The following PARS2 variants were observed in gnomAD, a reference collection of about 807,000 sequenced individuals.
The protein encoded by PARS2 is probable proline--tRNA ligase, mitochondrial.
Under a neutral mutation model 27.4 loss-of-function variants are expected in PARS2, and 20 were observed. The observed-to-expected ratio is 0.73, with a 90% CI of 0.51 to 1.06. PARS2 has a LOEUF of 1.06. Ranked by LOEUF, PARS2 falls within the 50% of genes least tolerant of loss-of-function variation. PARS2 has a pLI of 0.00. For missense variants in PARS2, 585 were observed against 602.1 expected (o/e 0.97, Z 0.30); for synonymous variants, 240 against 247.1 (o/e 0.97, Z 0.27).
At position 54,758,630 on chromosome 1, in the gene PARS2, G is replaced by A; in HGVS notation, c.532C>T (p.Pro178Ser). ...CTTGTCACTTGGTACAGCAGGAAGG[G>A]AAGCTGCTTGTAGGACAGTTTCTTC... ...SQKKLSYKQL[P>S]FLLYQVTRKF... is the part of the protein sequence containing the mutation. Residue 178 changes from proline (P) to serine (S), a missense_variant, in exon 2 of 2, where the codon CCC becomes TCC. By Grantham distance (74) the Pro-to-Ser change is moderately conservative. Coordinates refer to ENST00000371279, the MANE Select transcript of PARS2 (RefSeq NM_152268.4). 1 of 1,614,210 alleles carries A rather than the reference G, an allele frequency of 6.2e-7. No homozygotes were observed. Among genetic ancestry groups the A allele is most frequent in the Non-Finnish European group, 8.5e-7 (1 of 1,180,040 alleles).
intron 1 of PARS2, among the ~76,000 whole-genome samples, chr1:54,762,931 A>G (rs941828056): frequency 1.3e-5 from 2 of 152,186 alleles, no homozygotes; most frequent in Non-Finnish European, 2.9e-5. Flanking sequence ...TCTCCGTATT[A>G]GTCTCCAGCT....
intron 1 of PARS2, among the ~76,000 whole-genome samples, chr1:54,763,587 G>C (rs1011878492): frequency 1.3e-5 from 2 of 152,184 alleles, no homozygotes; most frequent in Non-Finnish European, 2.9e-5. Context: ...TCCACGTTTA[G>C]CATGTCTGTC....
chr1:54,757,714 C>G lies in PARS2; in HGVS notation c.*20G>C. 6.5e-7 allele frequency: 1 copy of G among 1,528,244 alleles called. No individual in the cohort carries two copies. The highest frequency in any genetic ancestry group is 9.0e-7 in the Non-Finnish European group (1 of 1,116,444). 94.7% of individuals were successfully genotyped at this position (1,528,244 alleles called of 1,614,324 possible). A position where few individuals can be genotyped will look rare whatever the true frequency, so the allele number is the denominator to read the frequency against. On this transcript the variant is annotated 3_prime_UTR_variant, in exon 2 of 2. Transcript: ENST00000371279. ...CGAACACCAAGGCTGCAAATGGGGG[C>G]AGGGGTGGGCTGGGGGCATTTAGAC...
At chr1:54,763,979 G>C (rs1014153756) in intron 1 of PARS2, among the ~76,000 whole-genome samples, 2 of 152,288 alleles carry the variant, frequency 1.3e-5, no homozygotes, top group Admixed American at 1.3e-4. Context: ...GCGCAGGGTC[G>C]GGCCTGGAAG....
At chr1:54,763,118 C>G (rs970560816) in intron 1 of PARS2, among the ~76,000 whole-genome samples, 2 of 152,296 alleles carry the variant, frequency 1.3e-5, no homozygotes, top group African/African-American at 4.8e-5. Flanking sequence ...TGACCTCCCC[C>G]CAACCCCCAG....
Position 54,757,636 on chromosome 1 carries a change from G to A in PARS2, c.*98C>T. On this transcript the variant is annotated 3_prime_UTR_variant, in exon 2 of 2. Coordinates refer to ENST00000371279, the MANE Select transcript of PARS2 (RefSeq NM_152268.4). ...GATCTCACCCTCCATGAGCTGTGCT[G>A]TTTCTGGAGAGAGCAGTCCAGGAAA... is the stretch of plus-strand genomic sequence containing the variant. The A allele has an allele frequency of 2.8e-6, 2 of 726,986 alleles. No individual in the cohort carries two copies. Among genetic ancestry groups the A allele is most frequent in the Non-Finnish European group, 2.3e-6 (1 of 439,188 alleles). 45.0% of individuals were successfully genotyped at this position (726,986 alleles called of 1,614,324 possible).
Position 54,757,448 on chromosome 1 carries a change from AG to A in PARS2, c.*285del, listed in dbSNP as rs1310236238. On this transcript the variant is annotated 3_prime_UTR_variant, in exon 2 of 2. Coordinates refer to ENST00000371279, the MANE Select transcript of PARS2 (RefSeq NM_152268.4). The stretch of plus-strand genomic sequence containing the variant: ...CCCTCAGGGTAACACCCAGGACTGG[AG>A]CTTGGATCTCCTGCTTCTCAGCCTC... The A allele has an allele frequency of 3.3e-5, 10 of 299,560 alleles. No individual in the cohort carries two copies. Among genetic ancestry groups the A allele is most frequent in the African/African-American group, 2.2e-4 (10 of 46,126 alleles). The allele number at this position is 299,560 out of a possible 1,614,324, so 18.6% of individuals were successfully genotyped here.
Position 54,758,188 on chromosome 1 carries a change from A to G in PARS2, c.974T>C (p.Phe325Ser). ...GGTTGGTTTGCCACAGACATTGGTAAACTGGGCATTGAAAATGGATGAGTA... is the reference window on the plus strand; with the variant it reads ...GGTTGGTTTGCCACAGACATTGGTAGACTGGGCATTGAAAATGGATGAGTA... Reference protein sequence around the residue: ...TKYSSIFNAQFTNVCGKPTLA... With the variant: ...TKYSSIFNAQSTNVCGKPTLA... The change falls in exon 2 of 2, where the codon TTT (phenylalanine) becomes TCT (serine). Residue 325 changes from phenylalanine to serine, a missense_variant. Physicochemically the swap from Phe to Ser is radical, Grantham distance 155. Transcript: ENST00000371279. The G allele has an allele frequency of 6.2e-7, 1 of 1,614,186 alleles. No individual in the cohort carries two copies.
intron 1 of PARS2, among the ~76,000 whole-genome samples, chr1:54,764,091 C>T (rs1239258244): frequency 1.3e-5 from 2 of 152,230 alleles, no homozygotes; most frequent in Admixed American, 6.5e-5. Context: ...GCTCGGCCTT[C>T]ACTCGCTCGG....
chr1:54,760,566 C>T (rs1010433542), intron 1 of PARS2, among the ~76,000 whole-genome samples: 1 of 152,192 alleles, frequency 6.6e-6, no homozygotes, highest in South Asian at 2.1e-4. Context: ...GACTTCCACT[C>T]CTGCCCTCCT....
rs951167505 is a variant in PARS2 at position 54,757,780 on chromosome 1, G to A, written c.1382C>T (p.Thr461Ile). 2.5e-6 allele frequency: 4 copies of A among 1,613,904 alleles called. No individual in the cohort carries two copies. Among genetic ancestry groups the A allele is most frequent in the Admixed American group, 1.7e-5 (1 of 60,004 alleles). The change falls in exon 2 of 2, where the codon ACC becomes ATC. Residue 461 changes from threonine to isoleucine, a missense_variant. Transcript: ENST00000371279. ...CQNTGEVAFL[T>I]KDGVMDLLTP... Reference sequence around the variant, plus strand: ...CAGTAAATCCATGACTCCATCTTTGGTGAGGAAGGCCACCTCACCAGTGTT... The same window carrying A: ...CAGTAAATCCATGACTCCATCTTTGATGAGGAAGGCCACCTCACCAGTGTT...
Position 54,759,095 on chromosome 1 carries a change from C to A in PARS2, c.67G>T (p.Gly23Trp), listed in dbSNP as rs1646139603. 1 of 1,613,132 alleles carries A rather than the reference C, an allele frequency of 6.2e-7. No homozygotes were observed. Among genetic ancestry groups the A allele is most frequent in the African/African-American group, 1.3e-5 (1 of 74,916 alleles). Residue 23 changes from glycine (G) to tryptophan (W), a missense_variant, in exon 2 of 2, where the codon GGG becomes TGG. By Grantham distance (184) the Gly-to-Trp change is radical. Transcript: ENST00000371279. Reference sequence around the variant, plus strand: ...TGGTGAAACCTGCAAGGAACATACCCAGAGAGCTGGCGGCTGCAGGTGGCC... The same window carrying A: ...TGGTGAAACCTGCAAGGAACATACCAAGAGAGCTGGCGGCTGCAGGTGGCC... ...ALATCSRQLS[G>W]YVPCRFHHCA...
At chr1:54,762,295 T>C (rs1342678483) in intron 1 of PARS2, among the ~76,000 whole-genome samples, 2 of 152,190 alleles carry the variant, frequency 1.3e-5, no homozygotes, top group African/African-American at 4.8e-5. Flanking sequence ...TGTGCCACCA[T>C]GCCCAACTAT....
At chr1:54,762,136 G>GTTTT (rs35646933) in intron 1 of PARS2, among the ~76,000 whole-genome samples, 2 of 128,664 alleles carry the variant, frequency 1.6e-5, no homozygotes, top group African/African-American at 5.7e-5. Context: ...TGGAGGGCTT[G>GTTTT]TTTTTTTTTT....
rs1201487743 is a variant in PARS2, at chr1:54,757,187, G to C, written c.*547C>G. 6.6e-6 allele frequency: 1 copy of C among 152,314 alleles called. No individual in the cohort carries two copies. Among genetic ancestry groups the C allele is most frequent in the South Asian group, 2.1e-4 (1 of 4,832 alleles). The allele number at this position is 152,314 out of a possible 1,614,324, so 9.4% of individuals were successfully genotyped here. On this transcript the variant is annotated 3_prime_UTR_variant, in exon 2 of 2. Coordinates refer to ENST00000371279, the MANE Select transcript of PARS2 (RefSeq NM_152268.4). ...AACTGAGGCCCCAGCAGGGGGAGGG[G>C]ATGTATCTAAGTCACTAGTGAGTTG...
rs1646139898 is a variant in PARS2, at chr1:54,759,122, G to A, written c.40C>T (p.Leu14=). Reference sequence around the variant, plus strand: ...GAGAGCTGGCGGCTGCAGGTGGCCAGGGCGGGCAATGCTCTGCATCTTGTC... The same window carrying A: ...GAGAGCTGGCGGCTGCAGGTGGCCAAGGCGGGCAATGCTCTGCATCTTGTC... The part of the protein sequence containing the change: ...LLTRCRALPA[L]ATCSRQLSGY... The change falls in exon 2 of 2, where the codon CTG becomes TTG. Residue 14 remains leucine (L), a synonymous_variant. Coordinates refer to ENST00000371279, the MANE Select transcript of PARS2 (RefSeq NM_152268.4). 2 of 1,609,778 alleles carry A rather than the reference G, an allele frequency of 1.2e-6. No homozygotes were observed. Among genetic ancestry groups the A allele is most frequent in the Non-Finnish European group, 1.7e-6 (2 of 1,176,830 alleles).
Position 54,757,467 on chromosome 1 carries a change from T to C in PARS2, c.*267A>G. On this transcript the variant is annotated 3_prime_UTR_variant, in exon 2 of 2. Coordinates refer to ENST00000371279, the MANE Select transcript of PARS2 (RefSeq NM_152268.4). ...GACTGGAGCTTGGATCTCCTGCTTC[T>C]CAGCCTCCTAGAAGCTTCCACAATG... 1 of 329,118 alleles carries C rather than the reference T, an allele frequency of 3.0e-6. No homozygotes were observed. The highest frequency in any genetic ancestry group is 5.5e-6 in the Non-Finnish European group (1 of 180,732). The allele number at this position is 329,118 out of a possible 1,614,324, so 20.4% of individuals were successfully genotyped here. A position where few individuals can be genotyped will look rare whatever the true frequency, so the allele number is the denominator to read the frequency against.
rs755173917 is a variant in PARS2 at position 54,758,134 on chromosome 1, C to T, written c.1028G>A (p.Gly343Asp). Residue 343 changes from glycine (G) to aspartate (D), a missense_variant, in exon 2 of 2, where the codon GGT becomes GAT. Coordinates refer to ENST00000371279, the MANE Select transcript of PARS2 (RefSeq NM_152268.4). ...TLAEMGCYGL[G>D]VTRILAAAIE... ...GGCAGCAGCCAAGATCCGTGTCACA[C>T]CCAAGCCATAGCACCCCATTTCAGC... 1.2e-6 allele frequency: 2 copies of T among 1,614,238 alleles called. No homozygotes were observed. The highest frequency in any genetic ancestry group is 1.3e-5 in the African/African-American group (1 of 75,048).
Position 54,758,332 on chromosome 1 carries a change from C to A in PARS2, c.830G>T (p.Ser277Ile), listed in dbSNP as rs771889214. The A allele has an allele frequency of 3.1e-6, 5 of 1,614,222 alleles. No individual in the cohort carries two copies. Among genetic ancestry groups the A allele is most frequent in the Non-Finnish European group, 3.4e-6 (4 of 1,180,040 alleles). Reference protein sequence around the residue: ...EDRLAICPRCSFSANMETLDL... With the variant: ...EDRLAICPRCIFSANMETLDL... ...TAGTGTCTCCATGTTGGCTGAGAAG[C>A]TGCAGCGGGGACAGATGGCAAGCCG... Residue 277 changes from serine to isoleucine, a missense_variant, in exon 2 of 2, where the codon AGC becomes ATC. Coordinates refer to ENST00000371279, the MANE Select transcript of PARS2 (RefSeq NM_152268.4).
Sources: gnomAD v4.1 joint callset for allele counts (sites outside exome capture counted in the v4.1 genomes callset) on GRCh38, gnomAD v4.1.1 for gene constraint, MANE v1.5 for transcripts, NCBI Gene and HGNC (gene_info 2026-07-23, HGNC 2026-07-21) for gene names.